KCND2: variants seen among roughly 807,000 people sequenced by gnomAD.
The protein encoded by KCND2 is A-type voltage-gated potassium channel KCND2.
KCND2 carries 16 observed loss-of-function variants against 54.4 expected under a neutral mutation model. The observed-to-expected ratio is 0.29, with a 90% CI of 0.20 to 0.45. KCND2 has a LOEUF of 0.45. Ranked by LOEUF, KCND2 falls within the 20% of genes least tolerant of loss-of-function variation. The pLI is 1.00. For synonymous variants in KCND2, 317 were observed against 310.7 expected, an observed-to-expected ratio of 1.02 and a Z score of -0.21; for missense variants, 486 against 824.2, an observed-to-expected ratio of 0.59 and a Z score of 5.02.
chr7:120,328,858 A>C (rs902777894), intron 1 of KCND2, among the ~76,000 whole-genome samples: 19 of 152,114 alleles, frequency 1.2e-4, no homozygotes, highest in Non-Finnish European at 2.1e-4. Context: ...TTCAATAAAC[A>C]TATATTTAAT....
intron 1 of KCND2, among the ~76,000 whole-genome samples, chr7:120,682,743 A>G (rs1467632093): frequency 6.6e-6 from 1 of 152,182 alleles, no homozygotes; most frequent in Non-Finnish European, 1.5e-5. Context: ...TATGTAACAC[A>G]ATAGCCGGTT....
At chr7:120,359,691 A>T (rs1800565367) in intron 1 of KCND2, among the ~76,000 whole-genome samples, 1 of 152,092 alleles carries the variant, frequency 6.6e-6, no homozygotes, top group Non-Finnish European at 1.5e-5. Flanking sequence ...TGAGCAGGGG[A>T]TCTGATATAG....
chr7:120,556,488 T>A (rs1792168070), intron 1 of KCND2, among the ~76,000 whole-genome samples: 1 of 152,222 alleles, frequency 6.6e-6, no homozygotes, highest in Non-Finnish European at 1.5e-5. Context: ...GTGTGTACAC[T>A]GTTTCAACAT....
intron 1 of KCND2, among the ~76,000 whole-genome samples, chr7:120,605,288 T>C (rs1792867961): frequency 1.3e-5 from 2 of 152,242 alleles, no homozygotes; most frequent in South Asian, 4.1e-4. Flanking sequence ...AATTTGCCTA[T>C]TCTAGACACT....
intron 1 of KCND2, among the ~76,000 whole-genome samples, chr7:120,524,465 G>A (rs182848265): frequency 2.0e-4 from 30 of 152,024 alleles, no homozygotes; most frequent in Admixed American, 7.9e-4. Context: ...TTGATATTTA[G>A]TCTTCAGACA....
intron 1 of KCND2, among the ~76,000 whole-genome samples, chr7:120,608,369 T>C (rs1792909596): frequency 1.3e-5 from 2 of 152,112 alleles, no homozygotes; most frequent in South Asian, 2.1e-4. Context: ...AATAGGAATA[T>C]AGACAAAGAA....
intron 1 of KCND2, among the ~76,000 whole-genome samples, chr7:120,407,878 TG>T (rs1322495984): frequency 6.6e-6 from 1 of 151,872 alleles, no homozygotes; most frequent in Non-Finnish European, 1.5e-5. Flanking sequence ...AAGATGAGGC[TG>T]GAGAGATGTA....
intron 1 of KCND2, among the ~76,000 whole-genome samples, chr7:120,681,750 G>GA (rs1199539403): frequency 1.3e-5 from 2 of 151,870 alleles, no homozygotes; most frequent in African/African-American, 2.4e-5. Context: ...AGAATACTAT[G>GA]AAAAAAACAG....
intron 1 of KCND2, among the ~76,000 whole-genome samples, chr7:120,300,612 T>C (rs1037532059): frequency 3.3e-5 from 5 of 152,146 alleles, no homozygotes; most frequent in Admixed American, 6.6e-5. Flanking sequence ...TTGATTAAGT[T>C]ATTTTTATAG....
intron 1 of KCND2, among the ~76,000 whole-genome samples, chr7:120,665,275 A>G (rs1333577461): frequency 6.6e-6 from 1 of 152,060 alleles, no homozygotes; most frequent in Non-Finnish European, 1.5e-5. Context: ...GTGATTGATG[A>G]GTTGGCAGTT....
chr7:120,319,130 C>T lies in KCND2; in HGVS notation c.1115+43383C>T, dbSNP rs118063449. On this transcript the variant is annotated intron_variant, in intron 1 of 5. Transcript: ENST00000331113. ...GTTTAATTTTATATTTTCTAAGCTG[C>T]GTTTCCTTCCCATTAAGCTAGCTAA... Among the ~76,000 whole-genome samples, 438 of 152,054 alleles carry T rather than the reference C, an allele frequency of 2.9e-3. 3 individuals carry two copies. Among genetic ancestry groups the T allele is most frequent in the Non-Finnish European group, 2.4e-3 (162 of 67,864 alleles).
intron 2 of KCND2, among the ~76,000 whole-genome samples, chr7:120,740,151 A>G (rs566591552): frequency 6.6e-6 from 1 of 152,112 alleles, no homozygotes; most frequent in South Asian, 2.1e-4. Flanking sequence ...GAATATATCT[A>G]CTTGCTCTTT....
intron 1 of KCND2, among the ~76,000 whole-genome samples, chr7:120,390,125 G>A (rs1801051407): frequency 6.6e-6 from 1 of 151,738 alleles, no homozygotes; most frequent in Non-Finnish European, 1.5e-5. Context: ...CATAAATATA[G>A]TATGTCCTAG....
Position 120,501,182 on chromosome 7 carries a change from C to T in KCND2, c.1115+225435C>T, listed in dbSNP as rs924398429. On this transcript the variant is annotated intron_variant, in intron 1 of 5. Coordinates refer to ENST00000331113, the MANE Select transcript of KCND2 (RefSeq NM_012281.3). The stretch of plus-strand genomic sequence containing the variant: ...TACATCATCTTGGGGAACAGACTCA[C>T]GGCACAGTAATGACCTTGCCAAGGA... Among the ~76,000 whole-genome samples, 9 of 152,186 alleles carry T rather than the reference C, an allele frequency of 5.9e-5. No individual in the cohort carries two copies. The South Asian group carries it at 1.7e-3, about 28-fold the overall frequency.
chr7:120,429,011 T>C (rs1442675188), intron 1 of KCND2, among the ~76,000 whole-genome samples: 2 of 152,100 alleles, frequency 1.3e-5, no homozygotes, highest in African/African-American at 4.8e-5. Flanking sequence ...TTGGGATAAT[T>C]GTCAAGAAGT....
At chr7:120,630,050 C>G (rs908631629) in intron 1 of KCND2, among the ~76,000 whole-genome samples, 1 of 142,302 alleles carries the variant, frequency 7.0e-6, no homozygotes, top group Non-Finnish European at 1.6e-5. Context: ...TAGCAGTGAG[C>G]ACACCAAAGG....
intron 1 of KCND2, among the ~76,000 whole-genome samples, chr7:120,578,358 A>C (rs1792467026): frequency 6.6e-6 from 1 of 152,154 alleles, no homozygotes; most frequent in Non-Finnish European, 1.5e-5. Context: ...TCCAGAGCAA[A>C]GAAACCCCAA....
At chr7:120,704,823 T>A (rs1451437417) in intron 1 of KCND2, among the ~76,000 whole-genome samples, 1 of 152,152 alleles carries the variant, frequency 6.6e-6, no homozygotes. Flanking sequence ...CCTCTAAATA[T>A]CATTACTACA....
At chr7:120,422,064 A>G (rs1460748996) in intron 1 of KCND2, among the ~76,000 whole-genome samples, 1 of 152,204 alleles carries the variant, frequency 6.6e-6, no homozygotes, top group Non-Finnish European at 1.5e-5. Context: ...AATGCTAAAT[A>G]TGAAAAAAGG....
Sources: allele counts gnomAD v4.1 joint callset (sites outside exome capture counted in the v4.1 genomes callset), GRCh38; gene constraint gnomAD v4.1.1; transcripts MANE v1.5; gene names NCBI Gene and HGNC (gene_info 2026-07-23, HGNC 2026-07-21).